The following CHSY3 variants were observed in gnomAD, a reference collection of about 807,000 sequenced individuals.
The protein encoded by CHSY3 is N-acetylgalactosaminyl-proteoglycan 3-beta-glucuronosyltransferase 3.
Under a neutral mutation model 67.2 loss-of-function variants are expected in CHSY3, and 35 were observed. The ratio of observed to expected loss-of-function variants is 0.52; its 90% CI spans 0.40 to 0.69. The LOEUF is 0.69. Among genes scored for constraint, CHSY3 ranks in the 30% least tolerant of loss-of-function variants. CHSY3 has a pLI of 0.00. For missense variants in CHSY3, 1,069 were observed against 1,138.5 expected, an observed-to-expected ratio of 0.94 and a Z score of 0.88; for synonymous variants, 474 against 434.7, an observed-to-expected ratio of 1.09 and a Z score of -1.12.
At chr5:130,165,208 A>T (rs893853398) in intron 2 of CHSY3, among the ~76,000 whole-genome samples, 5 of 152,138 alleles carry the variant, frequency 3.3e-5, no homozygotes, top group African/African-American at 1.2e-4. Flanking sequence ...GCCAGATGAG[A>T]TGTAGGCAGA....
chr5:129,904,358 G>A (rs1760139989), upstream of CHSY3: 1 of 155,726 alleles, frequency 6.4e-6, no homozygotes, highest in African/African-American at 2.4e-5. Flanking sequence ...GGTGCCGCCT[G>A]CGGCTCCTCC....
chr5:130,141,664 A>T (rs1434027461), intron 2 of CHSY3: 1 of 528,588 alleles, frequency 1.9e-6, no homozygotes, highest in African/African-American at 1.9e-5. Context: ...TGCATTCGAT[A>T]TGAAAGCAGC....
chr5:129,962,486 C>T, intron 2 of CHSY3, among the ~76,000 whole-genome samples: 1 of 151,986 alleles, frequency 6.6e-6, no homozygotes. Context: ...TGATTTGCAG[C>T]TGTATTTATC....
chr5:130,103,508 G>C (rs112456877), intron 2 of CHSY3, among the ~76,000 whole-genome samples: 3 of 151,824 alleles, frequency 2.0e-5, no homozygotes, highest in Admixed American at 1.3e-4. Context: ...TTTATGTTTT[G>C]TTCCATTCAA....
chr5:129,970,927 C>T (rs10035354), intron 2 of CHSY3, among the ~76,000 whole-genome samples: 3 of 151,538 alleles, frequency 2.0e-5, no homozygotes, highest in Admixed American at 2.0e-4. Flanking sequence ...GTAAATGTCT[C>T]TACTATGCCA....
chr5:129,967,459 A>G (rs1390694480), intron 2 of CHSY3, among the ~76,000 whole-genome samples: 1 of 151,880 alleles, frequency 6.6e-6, no homozygotes, highest in Non-Finnish European at 1.5e-5. Context: ...AGTCATTTCT[A>G]ACAGTTCCTT....
At chr5:130,011,360 T>C (rs1199430725) in intron 2 of CHSY3, among the ~76,000 whole-genome samples, 1 of 152,082 alleles carries the variant, frequency 6.6e-6, no homozygotes, top group African/African-American at 2.4e-5. Flanking sequence ...TAAACGGAAC[T>C]AAAAACAAAC....
chr5:130,049,770 CT>C (rs72080416), intron 2 of CHSY3, among the ~76,000 whole-genome samples: 187 of 146,168 alleles, frequency 1.3e-3, no homozygotes, highest in Non-Finnish European at 1.9e-3. Context: ...ATCTCCCCAT[CT>C]TTTTTTTTTT....
chr5:129,932,103 CATATATATATATATATATATATAT>C lies in CHSY3; in HGVS notation c.1086+23760_1086+23783del, dbSNP rs33960181. Among the ~76,000 whole-genome samples, 9 of 115,026 alleles carry C rather than the reference CATATATATATATATATATATATAT, an allele frequency of 7.8e-5. 1 individual carries two copies. The highest frequency in any genetic ancestry group is 3.6e-4 in the Admixed American group (4 of 11,112). The allele number at this position is 115,026 out of a possible 152,430, so 75.5% of individuals were successfully genotyped here. A position where few individuals can be genotyped will look rare whatever the true frequency, so the allele number is the denominator to read the frequency against. On this transcript the variant is annotated intron_variant, in intron 2 of 2. Coordinates refer to ENST00000305031, the MANE Select transcript of CHSY3 (RefSeq NM_175856.5). ...CCATATGTAATGTAAACCATAAAACCATATATATATATATATATATATATATATATATATATATATGTATATGAG... is the reference window on the plus strand; with the variant it reads ...CCATATGTAATGTAAACCATAAAACCATATATATATATATATGTATATGAG...
At chr5:129,960,317 T>C (rs1439777526) in intron 2 of CHSY3, among the ~76,000 whole-genome samples, 2 of 152,080 alleles carry the variant, frequency 1.3e-5, no homozygotes, top group Non-Finnish European at 2.9e-5. Context: ...TGGCCAAAAA[T>C]GACATGGTGA....
chr5:130,175,295 A>T (rs972639036), intron 2 of CHSY3, among the ~76,000 whole-genome samples: 13 of 152,198 alleles, frequency 8.5e-5, no homozygotes, highest in African/African-American at 3.1e-4. Context: ...AATACAACTT[A>T]CAAGGGATGC....
chr5:130,059,433 C>T (rs1386506808), intron 2 of CHSY3, among the ~76,000 whole-genome samples: 1 of 151,150 alleles, frequency 6.6e-6, no homozygotes, highest in African/African-American at 2.4e-5. Context: ...CTTTCTTCCC[C>T]CTCTCCTTCC....
chr5:129,995,597 A>G (rs1161635907), intron 2 of CHSY3, among the ~76,000 whole-genome samples: 3 of 150,320 alleles, frequency 2.0e-5, no homozygotes, highest in East Asian at 2.0e-4. Flanking sequence ...AGTAGTGCGC[A>G]TGTATTAAGG....
rs1229741763 is a variant in CHSY3, at chr5:130,040,266, A to G, written c.1086+131906A>G. Reference sequence around the variant, plus strand: ...ATTTTCCTGGAAACACAAAGTAACTATCTTGTATTTAGAGTACACCACGTG... The same window carrying G: ...ATTTTCCTGGAAACACAAAGTAACTGTCTTGTATTTAGAGTACACCACGTG... On this transcript the variant is annotated intron_variant, in intron 2 of 2. Coordinates refer to ENST00000305031, the MANE Select transcript of CHSY3 (RefSeq NM_175856.5). 4.6e-5 allele frequency among the ~76,000 whole-genome samples: 7 copies of G among 152,104 alleles called. No individual in the cohort carries two copies. In the South Asian group the frequency reaches 8.3e-4, roughly 18 times the overall value.
intron 2 of CHSY3, among the ~76,000 whole-genome samples, chr5:130,180,941 A>T (rs1019838238): frequency 6.6e-6 from 1 of 152,236 alleles, no homozygotes; most frequent in African/African-American, 2.4e-5. Context: ...AATAATTCTA[A>T]GAAAGGTAAT....
chr5:129,990,373 A>AGTGC (rs1388248308), intron 2 of CHSY3, among the ~76,000 whole-genome samples: 1 of 69,534 alleles, frequency 1.4e-5, no homozygotes, highest in Non-Finnish European at 2.7e-5. Flanking sequence ...GGTGTGAGTG[A>AGTGC]GTGAGTGTGT....
rs1402910955 is a variant in CHSY3 at position 130,058,466 on chromosome 5, A to G, written c.1087-125763A>G. Among the ~76,000 whole-genome samples the G allele has an allele frequency of 2.0e-5, 3 of 152,206 alleles. No individual in the cohort carries two copies. In the East Asian group the frequency reaches 5.8e-4, roughly 29 times the overall value. ...AACATGGTAAAACCCCATCTCTACT[A>G]AAAATACAGAATTAGTTGGGTGTGG... On this transcript the variant is annotated intron_variant, in intron 2 of 2. Coordinates refer to ENST00000305031, the MANE Select transcript of CHSY3 (RefSeq NM_175856.5).
chr5:129,951,372 C>G (rs1762018686), intron 2 of CHSY3, among the ~76,000 whole-genome samples: 1 of 151,584 alleles, frequency 6.6e-6, no homozygotes, highest in Non-Finnish European at 1.5e-5. Context: ...TCTCAGGCAA[C>G]AAAAGCAAAA....
chr5:130,043,588 G>A (rs1765063149), intron 2 of CHSY3, among the ~76,000 whole-genome samples: 1 of 152,118 alleles, frequency 6.6e-6, no homozygotes, highest in Admixed American at 6.6e-5. Flanking sequence ...TAGAACATTA[G>A]CCGTCCACAA....
Sources: gnomAD v4.1 joint callset for allele counts (sites outside exome capture counted in the v4.1 genomes callset) on GRCh38, gnomAD v4.1.1 for gene constraint, MANE v1.5 for transcripts, NCBI Gene and HGNC (gene_info 2026-07-23, HGNC 2026-07-21) for gene names.